Variants in NCALD observed in about 807,000 individuals in gnomAD.
NCALD encodes neurocalcin delta, also known as neurocalcin-delta.
A neutral mutation model predicts 18.6 loss-of-function variants in NCALD; 10 were observed. That is an observed-to-expected ratio of 0.54 (90% CI 0.33 to 0.91). The LOEUF (loss-of-function observed/expected upper bound fraction) is 0.91. Among genes scored for constraint, NCALD ranks in the 40% least tolerant of loss-of-function variants. The probability of loss-of-function intolerance (pLI) is 0.03; values close to 1 mark genes in which losing one functional copy is unlikely to be tolerated. For missense variants in NCALD, 184 were observed against 247.6 expected (o/e 0.74, Z 1.72); for synonymous variants, 88 against 87.4 (o/e 1.01, Z -0.04).
chr8:101,704,643 G>A (rs1219168604), intron 2 of NCALD, among the ~76,000 whole-genome samples: 1 of 152,148 alleles, frequency 6.6e-6, no homozygotes, highest in Admixed American at 6.5e-5. Context: ...GGGGCCGGGC[G>A]CGGTGGTTCA....
chr8:102,071,976 G>A (rs1051444366), intron 1 of NCALD, among the ~76,000 whole-genome samples: 3 of 152,072 alleles, frequency 2.0e-5, no homozygotes, highest in African/African-American at 7.2e-5. Flanking sequence ...AGCTTATTCT[G>A]AAAATTATGT....
intron 4 of NCALD, among the ~76,000 whole-genome samples, chr8:101,804,326 A>G (rs973972395): frequency 2.6e-5 from 2 of 77,064 alleles, no homozygotes; most frequent in Admixed American, 1.2e-4. Context: ...TATATTATAT[A>G]TAATTATATC....
At chr8:102,073,114 T>G (rs1184888705) in intron 1 of NCALD, among the ~76,000 whole-genome samples, 1 of 152,138 alleles carries the variant, frequency 6.6e-6, no homozygotes, top group African/African-American at 2.4e-5. Flanking sequence ...ATAGGGAAAT[T>G]TAGAATATTG....
intron 2 of NCALD, among the ~76,000 whole-genome samples, chr8:101,927,047 T>G (rs1818360828): frequency 6.6e-6 from 1 of 152,176 alleles, no homozygotes; most frequent in African/African-American, 2.4e-5. Flanking sequence ...GGCTTCCTCC[T>G]TCACTCTGAG....
rs555177817 is a variant in NCALD, at chr8:101,755,644, C to T, written c.-20+35218G>A. On this transcript the variant is annotated intron_variant, in intron 1 of 3. Transcript: ENST00000220931. ...ACATCCTAAGGCTTGCAGGCAGAAA[C>T]CAGGGAATAGGTTTTAAAAAGCCAG... 3.3e-5 allele frequency among the ~76,000 whole-genome samples: 5 copies of T among 152,310 alleles called. No individual in the cohort carries two copies. In the South Asian group the frequency reaches 1.0e-3, roughly 32 times the overall value.
chr8:101,862,416 T>G (rs924197967), intron 4 of NCALD, among the ~76,000 whole-genome samples: 1 of 152,162 alleles, frequency 6.6e-6, no homozygotes, highest in Admixed American at 6.5e-5. Context: ...GAATGGTGTT[T>G]TAATTACGAT....
At chr8:101,748,644 A>G (rs1183913463) in intron 1 of NCALD, among the ~76,000 whole-genome samples, 2 of 152,184 alleles carry the variant, frequency 1.3e-5, no homozygotes, top group Admixed American at 6.5e-5. Context: ...TTTAATCATC[A>G]TAACAACACT....
intron 2 of NCALD, among the ~76,000 whole-genome samples, chr8:102,006,738 G>A (rs945127920): frequency 3.3e-5 from 5 of 152,170 alleles, no homozygotes; most frequent in African/African-American, 7.2e-5. Flanking sequence ...TCCTCTTCCC[G>A]CTTCCCAAAG....
chr8:101,843,064 G>A (rs1190288278), intron 4 of NCALD, among the ~76,000 whole-genome samples: 2 of 152,164 alleles, frequency 1.3e-5, no homozygotes, highest in African/African-American at 2.4e-5. Context: ...TTGCTTAAGG[G>A]TTTAGATGAT....
chr8:102,097,913 C>T (rs552782008), intron 1 of NCALD, among the ~76,000 whole-genome samples: 28 of 152,352 alleles, frequency 1.8e-4, no homozygotes, highest in South Asian at 6.2e-4. Flanking sequence ...CAAATCACAA[C>T]GCAATGCAAA....
intron 3 of NCALD, chr8:101,690,437 C>T: frequency 1.0e-6 from 1 of 985,472 alleles, no homozygotes. Context: ...AGCACCCGGC[C>T]TGCCTGGCTC....
At chr8:101,894,661 T>C (rs2075046512) in intron 3 of NCALD, among the ~76,000 whole-genome samples, 1 of 149,304 alleles carries the variant, frequency 6.7e-6, no homozygotes, top group Non-Finnish European at 1.5e-5. Context: ...ATAGACACAA[T>C]AAAAAATGAT....
chr8:101,768,828 T>A (rs1273877012), intron 1 of NCALD, among the ~76,000 whole-genome samples: 1 of 152,134 alleles, frequency 6.6e-6, no homozygotes, highest in Non-Finnish European at 1.5e-5. Flanking sequence ...GGCAGAATAA[T>A]GGTCTTCCAA....
intron 2 of NCALD, among the ~76,000 whole-genome samples, chr8:102,005,366 G>C (rs1821660925): frequency 6.6e-6 from 1 of 152,212 alleles, no homozygotes. Flanking sequence ...TCATTCAAAA[G>C]TCAGGAAACA....
At chr8:101,896,108 C>G (rs1054365990) in intron 3 of NCALD, among the ~76,000 whole-genome samples, 1 of 151,328 alleles carries the variant, frequency 6.6e-6, no homozygotes, top group Non-Finnish European at 1.5e-5. Context: ...TACCTGACTT[C>G]AAACTATACT....
At chr8:101,730,121 A>G (rs1816751624) in intron 1 of NCALD, among the ~76,000 whole-genome samples, 1 of 152,216 alleles carries the variant, frequency 6.6e-6, no homozygotes. Flanking sequence ...ATGCATATGT[A>G]TGAAACCCAT....
chr8:101,913,116 G>A (rs1383404859), intron 3 of NCALD, among the ~76,000 whole-genome samples: 1 of 152,204 alleles, frequency 6.6e-6, no homozygotes, highest in South Asian at 2.1e-4. Flanking sequence ...AGATCTTGAT[G>A]ACACCTTTCC....
chr8:101,971,009 T>C (rs966096071), intron 2 of NCALD, among the ~76,000 whole-genome samples: 7 of 152,174 alleles, frequency 4.6e-5, no homozygotes, highest in African/African-American at 1.7e-4. Context: ...TCCCTCCCTG[T>C]GTTTGCCTCC....
At chr8:101,838,543 T>C (rs1814508475) in intron 4 of NCALD, among the ~76,000 whole-genome samples, 1 of 152,228 alleles carries the variant, frequency 6.6e-6, no homozygotes. Context: ...CCATCCTGAA[T>C]ATTAATACTT....
Sources: gnomAD v4.1 joint callset for allele counts (sites outside exome capture counted in the v4.1 genomes callset) on GRCh38, gnomAD v4.1.1 for gene constraint, MANE v1.5 for transcripts, NCBI Gene and HGNC (gene_info 2026-07-23, HGNC 2026-07-21) for gene names.